ZNF343: variants seen among roughly 807,000 people sequenced by gnomAD.
ZNF343 encodes the protein zinc finger protein 343.
A neutral mutation model predicts 13.8 loss-of-function variants in ZNF343; 11 were observed. The observed-to-expected ratio is 0.80, with a 90% CI of 0.50 to 1.32. The LOEUF is 1.32. ZNF343 is among the 40% of genes most tolerant of loss of function. The pLI, the probability that ZNF343 is intolerant of heterozygous loss-of-function variation, is 0.00. For synonymous variants in ZNF343, 248 were observed against 260.0 expected (o/e 0.95, Z 0.44); for missense variants, 658 against 714.2 (o/e 0.92, Z 0.90).
intron 4 of ZNF343, 60 bp downstream of exon 4, chr20:2,493,459 C>T: frequency 6.9e-7 from 1 of 1,449,936 alleles, no homozygotes; most frequent in Non-Finnish European, 9.7e-7. Flanking sequence ...GAATATATGT[C>T]TATTCTCTGG....
At chr20:2,510,625 C>T (rs191084405), upstream of ZNF343, among the ~76,000 whole-genome samples, 2 of 152,290 alleles carry the variant, frequency 1.3e-5, 1 homozygote, top group African/African-American at 4.8e-5. Context: ...ACAGAAAGGA[C>T]CAATTCCCTT....
At chr20:2,499,208 G>C (rs1015270147) in intron 2 of ZNF343, among the ~76,000 whole-genome samples, 1 of 142,810 alleles carries the variant, frequency 7.0e-6, no homozygotes, top group African/African-American at 2.6e-5. Flanking sequence ...GCTCACGCCT[G>C]TAATCCCAGC....
intron 3 of ZNF343, 64 bp downstream of exon 3, chr20:2,493,714 T>C: frequency 2.1e-6 from 3 of 1,456,904 alleles, no homozygotes; most frequent in Non-Finnish European, 2.9e-6. Flanking sequence ...CTCTGAAGCA[T>C]TTTCAGGTGA....
intron 1 of ZNF343, among the ~76,000 whole-genome samples, chr20:2,523,366 C>A (rs911876162): frequency 6.6e-5 from 10 of 152,020 alleles, no homozygotes; most frequent in Non-Finnish European, 1.5e-5. Flanking sequence ...CATGCCACTG[C>A]TATGCCTATG....
chr20:2,511,910 C>T (rs1467050300), upstream of ZNF343, among the ~76,000 whole-genome samples: 1 of 152,054 alleles, frequency 6.6e-6, no homozygotes, highest in African/African-American at 2.4e-5. Context: ...ACTGGAAGGT[C>T]TATTTATAGC....
chr20:2,515,749 A>G (rs1374826530), intron 1 of ZNF343, among the ~76,000 whole-genome samples: 1 of 152,220 alleles, frequency 6.6e-6, no homozygotes, highest in Non-Finnish European at 1.5e-5. Context: ...GTCTTTGCTT[A>G]ACCCTTACCC....
chr20:2,499,464 CAAAAA>C (rs35155995), intron 2 of ZNF343, among the ~76,000 whole-genome samples: 4 of 66,538 alleles, frequency 6.0e-5, no homozygotes, highest in Admixed American at 4.4e-4. Flanking sequence ...GACTCCGTCT[CAAAAA>C]AAAAAAAAAA....
At chr20:2,521,887 G>A (rs73892471) in intron 1 of ZNF343, among the ~76,000 whole-genome samples, 17,372 of 152,196 alleles carry the variant, frequency 0.11, 1,554 homozygotes, top group African/African-American at 0.25. Context: ...AGGCCGGAGG[G>A]GCTCCCCCTA....
Position 2,484,448 on chromosome 20 carries a change from C to T in ZNF343, c.513G>A (p.Gln171=). 1.2e-6 allele frequency: 2 copies of T among 1,614,230 alleles called. No individual in the cohort carries two copies. The highest frequency in any genetic ancestry group is 1.7e-6 in the Non-Finnish European group (2 of 1,180,040). Residue 171 remains glutamine (Q), a synonymous_variant, in exon 6 of 6, where the codon CAG becomes CAA. Coordinates refer to ENST00000278772, the MANE Select transcript of ZNF343 (RefSeq NM_024325.6). ...VSCWFENAEG[Q]ERGGGSKPWS... is the part of the protein sequence containing the mutation. ...AGGGTTTGGAGCCACCTCCTCTCTC[C>T]TGACCTTCTGCATTTTCAAACCAAC...
chr20:2,501,003 G>T (rs1296053525), intron 1 of ZNF343, among the ~76,000 whole-genome samples: 1 of 152,158 alleles, frequency 6.6e-6, no homozygotes, highest in Non-Finnish European at 1.5e-5. Flanking sequence ...AGCCGAAGCA[G>T]GGTGAGGCAC....
In ZNF343 at chr20:2,508,631, G is replaced by A. The variant is rs1446362839; in HGVS notation, c.-237+250C>T. ...TTCAAGACAGGCATTAGAGTTCTAG[G>A]TCACTCTCGTCCCCCCGGGGGGAAA... On this transcript the variant is annotated intron_variant, in intron 1 of 5. Coordinates refer to ENST00000278772, the MANE Select transcript of ZNF343 (RefSeq NM_024325.6). The surrounding 1 kb of genome is among the most constrained non-coding windows in gnomAD (Gnocchi z 4.5). 1.3e-5 allele frequency among the ~76,000 whole-genome samples: 2 copies of A among 152,170 alleles called. No homozygotes were observed. Among genetic ancestry groups the A allele is most frequent in the Non-Finnish European group, 2.9e-5 (2 of 68,034 alleles).
intron 2 of ZNF343, among the ~76,000 whole-genome samples, chr20:2,497,946 G>A (rs6036710): frequency 0.51 from 76,717 of 151,446 alleles, 20,280 homozygotes; most frequent in African/African-American, 0.66. Flanking sequence ...AAATGCTCAC[G>A]AAGACTGATT....
chr20:2,524,807 CGA>C (rs1223348516), upstream of ZNF343: 1 of 152,336 alleles, frequency 6.6e-6, no homozygotes. Flanking sequence ...TTATTTTGAG[CGA>C]GAGTCTCGCT....
In ZNF343 at chr20:2,508,869, G is replaced by A. The variant is rs138860462; in HGVS notation, c.-237+12C>T. 3 of 152,268 alleles carry A rather than the reference G, an allele frequency of 2.0e-5. No homozygotes were observed. Among genetic ancestry groups the A allele is most frequent in the Non-Finnish European group, 2.9e-5 (2 of 68,080 alleles). 9.4% of individuals were successfully genotyped at this position (152,268 alleles called of 1,614,324 possible). ...CATCCTGGGGCCAAGGAGCCGCGGAGGCCGCGCTCACCAGAGCCAGCGTGC... is the reference window on the plus strand; with the variant it reads ...CATCCTGGGGCCAAGGAGCCGCGGAAGCCGCGCTCACCAGAGCCAGCGTGC... On this transcript the variant is annotated intron_variant, in intron 1 of 5. Coordinates refer to ENST00000278772, the MANE Select transcript of ZNF343 (RefSeq NM_024325.6). This position sits in a 1 kb window ranked among gnomAD's most constrained non-coding sequence, Gnocchi z 4.5.
chr20:2,506,726 A>G (rs1036566570), intron 1 of ZNF343, among the ~76,000 whole-genome samples: 1 of 152,168 alleles, frequency 6.6e-6, no homozygotes, highest in African/African-American at 2.4e-5. Context: ...GTTCTCACTC[A>G]TAGGTGGGAA....
At chr20:2,506,562 T>C (rs988931217) in intron 1 of ZNF343, among the ~76,000 whole-genome samples, 1 of 152,112 alleles carries the variant, frequency 6.6e-6, no homozygotes, top group African/African-American at 2.4e-5. Flanking sequence ...CCAACAATGA[T>C]AGACTGGATT....
chr20:2,493,101 G>A, intron 4 of ZNF343: 1 of 501,200 alleles, frequency 2.0e-6, no homozygotes, highest in Non-Finnish European at 3.5e-6. Context: ...TAAACCTCAG[G>A]CTGTGTTTAA....
chr20:2,509,399 C>T (rs2085722976), upstream of ZNF343, among the ~76,000 whole-genome samples: 1 of 152,222 alleles, frequency 6.6e-6, no homozygotes, highest in Admixed American at 6.5e-5. Context: ...CCCAGCGTCT[C>T]AGTTGAACCC....
At chr20:2,494,938 T>C (rs1057196683) in intron 2 of ZNF343, among the ~76,000 whole-genome samples, 4 of 152,218 alleles carry the variant, frequency 2.6e-5, no homozygotes, top group African/African-American at 7.2e-5. Flanking sequence ...ACCACAGATG[T>C]GCATTTGTGT....
Sources: gnomAD v4.1 joint callset for allele counts (sites outside exome capture counted in the v4.1 genomes callset) on GRCh38, gnomAD v4.1.1 for gene constraint, Gnocchi (gnomAD v3.1) non-coding constraint, MANE v1.5 for transcripts, NCBI Gene and HGNC (gene_info 2026-07-23, HGNC 2026-07-21) for gene names.